PRKD1: variants seen among roughly 807,000 people sequenced by gnomAD.
PRKD1 encodes the protein serine/threonine-protein kinase D1.
PRKD1 carries 63 observed loss-of-function variants against 95.9 expected under a neutral mutation model. The observed-to-expected ratio is 0.66, with a 90% CI of 0.54 to 0.81. The LOEUF (loss-of-function observed/expected upper bound fraction) is 0.81, where lower values mean the gene tolerates loss of function less well. Among genes scored for constraint, PRKD1 ranks in the 30% least tolerant of loss-of-function variants. PRKD1 has a pLI of 0.00. For missense variants in PRKD1, 1,048 were observed against 1,165.3 expected (o/e 0.90, Z 1.47); for synonymous variants, 425 against 423.1 (o/e 1.00, Z -0.05).
intron 1 of PRKD1, among the ~76,000 whole-genome samples, chr14:29,730,421 G>A (rs542391688): frequency 6.6e-6 from 1 of 152,216 alleles, no homozygotes; most frequent in East Asian, 1.9e-4. Flanking sequence ...TCTGGGGAAT[G>A]CAAATAGGTA....
chr14:29,671,183 A>T (rs1363699234), intron 2 of PRKD1, among the ~76,000 whole-genome samples: 3 of 152,180 alleles, frequency 2.0e-5, no homozygotes, highest in East Asian at 3.9e-4. Flanking sequence ...TACAAGAGAA[A>T]AAGGTCTCAC....
intron 13 of PRKD1, among the ~76,000 whole-genome samples, chr14:29,611,365 A>G (rs1475207990): frequency 6.6e-6 from 1 of 152,036 alleles, no homozygotes; most frequent in African/African-American, 2.4e-5. Flanking sequence ...TAAAACCTCA[A>G]CGAAATCTAG....
chr14:29,773,456 T>A (rs1326351790), intron 1 of PRKD1, among the ~76,000 whole-genome samples: 2 of 124,430 alleles, frequency 1.6e-5, no homozygotes, highest in Non-Finnish European at 3.3e-5. Flanking sequence ...CGAGGCTCTG[T>A]CTCAAAAAAA....
chr14:29,765,683 A>T (rs777408110), intron 1 of PRKD1, among the ~76,000 whole-genome samples: 65 of 152,196 alleles, frequency 4.3e-4, no homozygotes, highest in Non-Finnish European at 5.0e-4. Flanking sequence ...CACATGGTGG[A>T]ATTTTATATA....
At chr14:29,774,743 TG>T (rs5807550) in intron 1 of PRKD1, among the ~76,000 whole-genome samples, 26,341 of 152,126 alleles carry the variant, frequency 0.17, 2,442 homozygotes, top group South Asian at 0.22. Context: ...TTTGGGGAAA[TG>T]AAGTACCTTA....
At chr14:29,594,502 A>T (rs1330774454) in intron 16 of PRKD1, among the ~76,000 whole-genome samples, 3 of 152,160 alleles carry the variant, frequency 2.0e-5, no homozygotes, top group African/African-American at 7.2e-5. Flanking sequence ...CTCATTATGT[A>T]GGTGGGAATC....
chr14:29,799,113 G>T (rs1024459605), intron 1 of PRKD1, among the ~76,000 whole-genome samples: 1 of 152,180 alleles, frequency 6.6e-6, no homozygotes, highest in African/African-American at 2.4e-5. Context: ...AAGAATTAAA[G>T]GATTGGCATC....
chr14:29,892,937 T>A (rs1166157878), intron 1 of PRKD1, among the ~76,000 whole-genome samples: 1 of 152,220 alleles, frequency 6.6e-6, no homozygotes, highest in African/African-American at 2.4e-5. Context: ...CCATTAAATA[T>A]ATCCATCAAA....
At position 29,719,377 on chromosome 14, in the gene PRKD1, T is replaced by G. The variant is rs146317429; in HGVS notation, c.403+6159A>C. Reference sequence around the variant, plus strand: ...TGAGGAAGAGGATGATAATGGTCTATGACAAACATCATCTCAATGGTTCCT... The same window carrying G: ...TGAGGAAGAGGATGATAATGGTCTAGGACAAACATCATCTCAATGGTTCCT... On this transcript the variant is annotated intron_variant, in intron 2 of 17. Coordinates refer to ENST00000331968, the MANE Select transcript of PRKD1 (RefSeq NM_002742.3). Among the ~76,000 whole-genome samples, 4 of 152,212 alleles carry G rather than the reference T, an allele frequency of 2.6e-5. No individual in the cohort carries two copies. The South Asian group carries it at 6.2e-4, about 24-fold the overall frequency.
At chr14:29,826,824 T>TACACAC (rs1278252489) in intron 1 of PRKD1, among the ~76,000 whole-genome samples, 1 of 29,234 alleles carries the variant, frequency 3.4e-5, no homozygotes, top group African/African-American at 1.3e-4. Flanking sequence ...CACATATATA[T>TACACAC]ATATATATAT....
intron 1 of PRKD1, among the ~76,000 whole-genome samples, chr14:29,804,695 A>T (rs1890167052): frequency 6.6e-6 from 1 of 152,182 alleles, no homozygotes. Context: ...TGTTAGAAAG[A>T]TCATCCCCTG....
chr14:29,854,113 C>T (rs1892411511), intron 1 of PRKD1, among the ~76,000 whole-genome samples: 1 of 152,068 alleles, frequency 6.6e-6, no homozygotes, highest in Admixed American at 6.6e-5. Context: ...GCTGAACAGA[C>T]TAATAAAGTA....
chr14:29,629,145 A>G (rs1221476904), intron 10 of PRKD1, 52 bp from the exon 11 acceptor site: 1 of 1,441,746 alleles, frequency 6.9e-7, no homozygotes, highest in Non-Finnish European at 9.7e-7. Context: ...AAGAGATGTA[A>G]TAGCAAAACA....
At chr14:29,591,824 C>T (rs1176692174) in intron 16 of PRKD1, among the ~76,000 whole-genome samples, 1 of 152,104 alleles carries the variant, frequency 6.6e-6, no homozygotes, top group Non-Finnish European at 1.5e-5. Context: ...GTTTTTAGCA[C>T]TGTCTGGGAT....
At chr14:29,742,725 G>A (rs967660158) in intron 1 of PRKD1, among the ~76,000 whole-genome samples, 3 of 152,032 alleles carry the variant, frequency 2.0e-5, no homozygotes, top group Admixed American at 1.3e-4. Flanking sequence ...TAAAATAATC[G>A]CTTTCATTTT....
chr14:29,912,104 A>G (rs945116125), intron 1 of PRKD1, among the ~76,000 whole-genome samples: 1 of 152,180 alleles, frequency 6.6e-6, no homozygotes, highest in East Asian at 1.9e-4. Context: ...AGTTAGGAGA[A>G]CTGTCCACTT....
At chr14:29,830,687 T>G (rs1238295288) in intron 1 of PRKD1, among the ~76,000 whole-genome samples, 1 of 151,992 alleles carries the variant, frequency 6.6e-6, no homozygotes, top group East Asian at 1.9e-4. Flanking sequence ...TTTTTTTTTT[T>G]GGTCTCATGT....
At chr14:29,635,060 G>C (rs780543003) in intron 7 of PRKD1, among the ~76,000 whole-genome samples, 1 of 151,938 alleles carries the variant, frequency 6.6e-6, no homozygotes, top group Non-Finnish European at 1.5e-5. Flanking sequence ...CCAAGGCTGG[G>C]TAATAAGCAC....
intron 12 of PRKD1, among the ~76,000 whole-genome samples, chr14:29,625,831 C>A (rs2139095469): frequency 6.6e-6 from 1 of 152,068 alleles, no homozygotes; most frequent in African/African-American, 2.4e-5. Context: ...GAAATAATTT[C>A]TTATTGATAA....
Sources: gnomAD v4.1 joint callset for allele counts (sites outside exome capture counted in the v4.1 genomes callset) on GRCh38, gnomAD v4.1.1 for gene constraint, MANE v1.5 for transcripts, NCBI Gene and HGNC (gene_info 2026-07-23, HGNC 2026-07-21) for gene names.